FGF10: variants seen among roughly 807,000 people sequenced by gnomAD.
The protein encoded by FGF10 is FGF-10.
A neutral mutation model predicts 19.8 loss-of-function variants in FGF10; 2 were observed. The observed-to-expected ratio is 0.10, with a 90% confidence interval of 0.04 to 0.32. The LOEUF is 0.32. Ranked by LOEUF, FGF10 falls within the 10% of genes least tolerant of loss-of-function variation. FGF10 has a pLI of 1.00. For missense variants in FGF10, 191 were observed against 246.3 expected (o/e 0.78, Z 1.50); for synonymous variants, 112 against 94.0 (o/e 1.19, Z -1.10).
intron 1 of FGF10, among the ~76,000 whole-genome samples, chr5:44,380,610 CTGGAAGTT>C (rs1362541418): frequency 6.6e-6 from 1 of 152,112 alleles, no homozygotes; most frequent in African/African-American, 2.4e-5. Flanking sequence ...AAGTGCCATT[CTGGAAGTT>C]GGGAATATCA....
chr5:44,359,588 C>G (rs1741429402), intron 1 of FGF10, among the ~76,000 whole-genome samples: 1 of 151,484 alleles, frequency 6.6e-6, no homozygotes, highest in African/African-American at 2.4e-5. Flanking sequence ...GGGGTAACTT[C>G]AGTAAATTGG....
chr5:44,319,247 A>G (rs920991356), intron 1 of FGF10, among the ~76,000 whole-genome samples: 33 of 152,230 alleles, frequency 2.2e-4, no homozygotes. Flanking sequence ...ATAAAGGGTT[A>G]GAGGAGTTAC....
chr5:44,365,055 C>T (rs546783403), intron 1 of FGF10, among the ~76,000 whole-genome samples: 14 of 151,836 alleles, frequency 9.2e-5, no homozygotes, highest in African/African-American at 2.7e-4. Context: ...GTCAAGTTTC[C>T]AATTATAGTT....
At chr5:44,357,577 C>G (rs919730349) in intron 1 of FGF10, among the ~76,000 whole-genome samples, 3 of 151,486 alleles carry the variant, frequency 2.0e-5, no homozygotes, top group South Asian at 4.1e-4. Context: ...AGGTAATAGG[C>G]ACATGAGGCT....
intron 1 of FGF10, among the ~76,000 whole-genome samples, chr5:44,344,363 T>G (rs2111798584): frequency 6.6e-6 from 1 of 151,020 alleles, no homozygotes; most frequent in East Asian, 1.9e-4. Context: ...AATAGCATTT[T>G]AAGCAATTGT....
intron 1 of FGF10, among the ~76,000 whole-genome samples, chr5:44,316,640 A>C (rs1274371891): frequency 6.6e-6 from 1 of 152,202 alleles, no homozygotes; most frequent in African/African-American, 2.4e-5. Flanking sequence ...TGTGCATAGA[A>C]GCAGAACCAC....
intron 1 of FGF10, among the ~76,000 whole-genome samples, chr5:44,367,065 G>A (rs907978107): frequency 1.3e-5 from 2 of 151,908 alleles, no homozygotes; most frequent in African/African-American, 4.8e-5. Context: ...TATGTGAGAA[G>A]GTTAAAAATC....
At chr5:44,361,628 G>A (rs1448207848) in intron 1 of FGF10, among the ~76,000 whole-genome samples, 1 of 151,674 alleles carries the variant, frequency 6.6e-6, no homozygotes, top group Admixed American at 6.6e-5. Context: ...TTTAGGAGCT[G>A]AGCCAGGGAG....
rs1314847455 is a variant in FGF10, at chr5:44,302,570, G to A, written c.*2425C>T. 2.0e-5 allele frequency among the ~76,000 whole-genome samples: 3 copies of A among 151,926 alleles called. No homozygotes were observed. The highest frequency in any genetic ancestry group is 4.4e-5 in the Non-Finnish European group (3 of 67,984). On this transcript the variant is annotated 3_prime_UTR_variant, in exon 3 of 3. Transcript: ENST00000264664. ...GTTTAAGAGAAGGATGTCTCACTAG[G>A]TTTCTCAGGCCTGTCTAGAACTCCT... is the stretch of plus-strand genomic sequence containing the variant.
At chr5:44,321,944 G>A (rs971878880) in intron 1 of FGF10, among the ~76,000 whole-genome samples, 2 of 152,092 alleles carry the variant, frequency 1.3e-5, no homozygotes, top group African/African-American at 4.8e-5. Flanking sequence ...TGTGGTTTTA[G>A]TAGAGACAGG....
chr5:44,375,529 G>T (rs1273445607), intron 1 of FGF10, among the ~76,000 whole-genome samples: 1 of 152,160 alleles, frequency 6.6e-6, no homozygotes, highest in Non-Finnish European at 1.5e-5. Flanking sequence ...TAACAAACGA[G>T]GCCAGGGAGT....
chr5:44,359,719 A>G (rs1741431784), intron 1 of FGF10, among the ~76,000 whole-genome samples: 1 of 151,424 alleles, frequency 6.6e-6, no homozygotes, highest in African/African-American at 2.4e-5. Context: ...ATTCATATAA[A>G]TTTATGGGAT....
intron 1 of FGF10, among the ~76,000 whole-genome samples, chr5:44,326,442 A>G (rs1437195700): frequency 6.6e-6 from 1 of 152,144 alleles, no homozygotes; most frequent in Admixed American, 6.6e-5. Context: ...TCTGTCACCC[A>G]TGCTGGAGTG....
intron 1 of FGF10, among the ~76,000 whole-genome samples, chr5:44,346,337 GA>G (rs1176693117): frequency 6.6e-6 from 1 of 151,162 alleles, no homozygotes; most frequent in African/African-American, 2.4e-5. Context: ...AAAATAAAGT[GA>G]ATTAAAAAAA....
chr5:44,337,310 T>C (rs1740876145), intron 1 of FGF10, among the ~76,000 whole-genome samples: 1 of 152,136 alleles, frequency 6.6e-6, no homozygotes, highest in Non-Finnish European at 1.5e-5. Context: ...AAGATCTCAT[T>C]ATGATCAATT....
At chr5:44,369,379 C>T (rs1043051936) in intron 1 of FGF10, among the ~76,000 whole-genome samples, 1 of 152,050 alleles carries the variant, frequency 6.6e-6, no homozygotes, top group African/African-American at 2.4e-5. Flanking sequence ...GTTTTGGAGG[C>T]TGGGCTGCAA....
chr5:44,327,338 G>C (rs1435941243), intron 1 of FGF10, among the ~76,000 whole-genome samples: 1 of 152,100 alleles, frequency 6.6e-6, no homozygotes, highest in Non-Finnish European at 1.5e-5. Flanking sequence ...GCCTAAACCA[G>C]AATTATTCTG....
At chr5:44,381,673 A>T (rs1216252520) in intron 1 of FGF10, among the ~76,000 whole-genome samples, 1 of 152,214 alleles carries the variant, frequency 6.6e-6, no homozygotes, top group African/African-American at 2.4e-5. Context: ...GGAGCAAAAA[A>T]GGTTAAGGAT....
At chr5:44,364,777 A>G (rs1337392793) in intron 1 of FGF10, among the ~76,000 whole-genome samples, 1 of 151,970 alleles carries the variant, frequency 6.6e-6, no homozygotes, top group Non-Finnish European at 1.5e-5. Flanking sequence ...AACCAAATAA[A>G]GTATCAAAAT....
Sources: allele counts gnomAD v4.1 joint callset (sites outside exome capture counted in the v4.1 genomes callset), GRCh38; gene constraint gnomAD v4.1.1; transcripts MANE v1.5; gene names NCBI Gene and HGNC (gene_info 2026-07-23, HGNC 2026-07-21).